DSC3: variants seen among roughly 807,000 people sequenced by gnomAD.
DSC3 encodes desmocollin-3.
A neutral mutation model predicts 89.5 loss-of-function variants in DSC3; 97 were observed. That is an observed-to-expected ratio of 1.08 (90% CI 0.92 to 1.28). The LOEUF (loss-of-function observed/expected upper bound fraction) is 1.28. Among genes scored for constraint, DSC3 ranks in the 50% most tolerant of loss-of-function variants. The pLI is 0.00. For missense variants in DSC3, 1,199 were observed against 1,085.3 expected, an observed-to-expected ratio of 1.10 and a Z score of -1.47; for synonymous variants, 436 against 384.1, an observed-to-expected ratio of 1.14 and a Z score of -1.58.
intron 1 of DSC3, 38 bp downstream of exon 1, chr18:31,042,554 G>C (rs769026871): frequency 6.5e-7 from 1 of 1,542,652 alleles, no homozygotes; most frequent in Non-Finnish European, 8.8e-7. Flanking sequence ...ATCCACCCCC[G>C]TCCCCACCCC....
chr18:31,029,900 T>C (rs1243897817), intron 3 of DSC3, among the ~76,000 whole-genome samples: 2 of 152,226 alleles, frequency 1.3e-5, no homozygotes, highest in Non-Finnish European at 2.9e-5. Flanking sequence ...ATCACCACTA[T>C]ATTCTTAGTT....
At chr18:31,011,512 A>G (rs944464991) in intron 9 of DSC3, among the ~76,000 whole-genome samples, 5 of 152,228 alleles carry the variant, frequency 3.3e-5, no homozygotes, top group Admixed American at 6.5e-5. Flanking sequence ...CTAGCAAGGA[A>G]GAACCAGGGC....
chr18:31,010,351 C>T (rs1985017258), intron 9 of DSC3, among the ~76,000 whole-genome samples: 1 of 152,170 alleles, frequency 6.6e-6, no homozygotes, highest in African/African-American at 2.4e-5. Context: ...GTAAGAGCAA[C>T]TGCTGGCAAT....
At chr18:31,024,956 T>C (rs538855551) in intron 5 of DSC3, among the ~76,000 whole-genome samples, 3 of 152,142 alleles carry the variant, frequency 2.0e-5, no homozygotes, top group African/African-American at 7.2e-5. Flanking sequence ...ACAAAATACA[T>C]GTACTAGTTT....
chr18:31,001,239 T>A (rs1361616053), intron 14 of DSC3, among the ~76,000 whole-genome samples: 1 of 151,702 alleles, frequency 6.6e-6, no homozygotes, highest in Non-Finnish European at 1.5e-5. Context: ...GATATTTTCC[T>A]AGCTATCTTG....
intron 12 of DSC3, among the ~76,000 whole-genome samples, chr18:31,006,104 C>T (rs1158853718): frequency 1.3e-5 from 2 of 152,028 alleles, no homozygotes; most frequent in East Asian, 1.9e-4. Flanking sequence ...AACATGACAG[C>T]CCCCAGAAAC....
rs1172358393 is a variant in DSC3 at position 30,992,596 on chromosome 18, C to T, written c.*1579G>A. ...TTACTCCCACCCATATTCCTTGTGG[C>T]CTCTCCTTGCCCTTGAAGGCCTGCA... On this transcript the variant is annotated 3_prime_UTR_variant, in exon 16 of 16. Coordinates refer to ENST00000360428, the MANE Select transcript of DSC3 (RefSeq NM_001941.5). 1 of 152,260 alleles carries T rather than the reference C, an allele frequency of 6.6e-6. No individual in the cohort carries two copies. The highest frequency in any genetic ancestry group is 1.5e-5 in the Non-Finnish European group (1 of 68,068). 9.4% of individuals were successfully genotyped at this position (152,260 alleles called of 1,614,324 possible).
At chr18:31,002,219 T>G (rs537613721) in intron 13 of DSC3, among the ~76,000 whole-genome samples, 1 of 152,288 alleles carries the variant, frequency 6.6e-6, no homozygotes, top group South Asian at 2.1e-4. Context: ...AAATCATAAT[T>G]GTGGGAGATT....
At chr18:31,019,199 T>A (rs1369869549) in intron 7 of DSC3, among the ~76,000 whole-genome samples, 1 of 152,160 alleles carries the variant, frequency 6.6e-6, no homozygotes, top group Non-Finnish European at 1.5e-5. Flanking sequence ...TGAGTTCAAA[T>A]GATTCTCTTG....
chr18:31,004,260 T>A lies in DSC3; in HGVS notation c.1995A>T (p.Arg665Ser), dbSNP rs1359433529. ...GATGAGTACATTCACACAGATTAAC[T>A]CTCAATAATTTTGTTGCAGCTTGGC... ...RAGQAATKLL[R>S]VNLCECTHPT... Residue 665 changes from arginine (R) to serine (S), a missense_variant, in exon 13 of 16, where the codon AGA becomes AGT. Transcript: ENST00000360428. 1 of 1,613,992 alleles carries A rather than the reference T, an allele frequency of 6.2e-7. No individual in the cohort carries two copies. The highest frequency in any genetic ancestry group is 8.5e-7 in the Non-Finnish European group (1 of 1,179,910).
At chr18:31,032,169 A>G in intron 2 of DSC3, 23 bp downstream of exon 2, 1 of 1,562,814 alleles carries the variant, frequency 6.4e-7, no homozygotes, top group Non-Finnish European at 8.8e-7. Flanking sequence ...TTCTGCTTTA[A>G]AAAGACTTTT....
At chr18:31,020,489 T>A (rs1419182265) in intron 7 of DSC3, among the ~76,000 whole-genome samples, 7 of 152,234 alleles carry the variant, frequency 4.6e-5, no homozygotes, top group Non-Finnish European at 8.8e-5. Context: ...GATGGTGAAT[T>A]GAAGTCATTA....
Position 31,018,657 on chromosome 18 carries a change from T to C in DSC3, c.1077+9A>G, listed in dbSNP as rs1166169324. 2.5e-6 allele frequency: 4 copies of C among 1,611,860 alleles called. No homozygotes were observed. Among genetic ancestry groups the C allele is most frequent in the South Asian group, 1.1e-5 (1 of 91,020 alleles). ...AAGACAGAGGCAGATTTTGATATTA[T>C]ATACTTACAGCATTTTGTCTGAAAG... On this transcript the variant is annotated intron_variant, in intron 8 of 15. Coordinates refer to ENST00000360428, the MANE Select transcript of DSC3 (RefSeq NM_001941.5).
chr18:31,028,161 G>T (rs181844789), intron 4 of DSC3, among the ~76,000 whole-genome samples: 2 of 152,192 alleles, frequency 1.3e-5, no homozygotes, highest in East Asian at 3.9e-4. Flanking sequence ...AGAAACAAGA[G>T]GTAAGATTCA....
intron 9 of DSC3, 132 bp from the exon 10 acceptor site, chr18:31,008,657 T>C (rs1598535210): frequency 1.7e-6 from 2 of 1,201,808 alleles, no homozygotes; most frequent in South Asian, 2.6e-5. Context: ...TACTGACTTT[T>C]ATCCCTTGCT....
intron 1 of DSC3, among the ~76,000 whole-genome samples, chr18:31,035,439 GTCATTTGCCCTTTAAAAAAAACATA>G (rs1985938621): frequency 1.3e-5 from 2 of 151,662 alleles, no homozygotes; most frequent in South Asian, 4.1e-4. Context: ...GAAGTAATAA[GTCATTTGCCCTTTAAAAAAAACATA>G]TCATACATAT....
intron 13 of DSC3, among the ~76,000 whole-genome samples, chr18:31,001,948 T>TC (rs1196379534): frequency 6.6e-6 from 1 of 152,182 alleles, no homozygotes; most frequent in Non-Finnish European, 1.5e-5. Flanking sequence ...TTTTTCATTA[T>TC]ATCTCACTAA....
chr18:31,010,455 T>A (rs1985020700), intron 9 of DSC3, among the ~76,000 whole-genome samples: 1 of 152,196 alleles, frequency 6.6e-6, no homozygotes, highest in Non-Finnish European at 1.5e-5. Context: ...GGAGTTTCTT[T>A]GTCCCATTTT....
Position 30,994,387 on chromosome 18 carries a change from A to G in DSC3, c.2494-15T>C, listed in dbSNP as rs199781515. The stretch of plus-strand genomic sequence containing the variant: ...CGATGCAATTTCTGTAAAATTTTTT[A>G]AAAAATGAATTGCATTATAGTTTTA... On this transcript the variant is annotated splice_polypyrimidine_tract_variant and intron_variant, in intron 15 of 15. Coordinates refer to ENST00000360428, the MANE Select transcript of DSC3 (RefSeq NM_001941.5). 73 of 1,612,190 alleles carry G rather than the reference A, an allele frequency of 4.5e-5. No individual in the cohort carries two copies. The East Asian group carries it at 1.6e-3, about 35-fold the overall frequency.
Sources: allele counts gnomAD v4.1 joint callset (sites outside exome capture counted in the v4.1 genomes callset), GRCh38; gene constraint gnomAD v4.1.1; transcripts MANE v1.5; gene names NCBI Gene and HGNC (gene_info 2026-07-23, HGNC 2026-07-21).